MBNL2: variants seen among roughly 807,000 people sequenced by gnomAD.
MBNL2 encodes muscleblind like splicing regulator 2, also known as muscleblind-like protein 2.
MBNL2 carries 17 observed loss-of-function variants against 41.9 expected under a neutral mutation model. The observed-to-expected ratio is 0.41, with a 90% CI of 0.28 to 0.61. The LOEUF (loss-of-function observed/expected upper bound fraction) is 0.61, where lower values mean the gene tolerates loss of function less well. Ranked by LOEUF, MBNL2 falls within the 20% of genes least tolerant of loss-of-function variation. The pLI is 0.35. For synonymous variants in MBNL2, 195 were observed against 182.9 expected (o/e 1.07, Z -0.53); for missense variants, 336 against 505.6 (o/e 0.66, Z 3.22).
At chr13:97,333,715 C>G (rs2060614180) in intron 2 of MBNL2, among the ~76,000 whole-genome samples, 1 of 152,126 alleles carries the variant, frequency 6.6e-6, no homozygotes, top group African/African-American at 2.4e-5. Flanking sequence ...ACTCTCTACT[C>G]CACAAATTTG....
chr13:97,272,779 G>A (rs557216166), intron 1 of MBNL2, among the ~76,000 whole-genome samples: 1 of 152,094 alleles, frequency 6.6e-6, no homozygotes, highest in Non-Finnish European at 1.5e-5. Context: ...CAATGCATAC[G>A]TATTTCAAAA....
At chr13:97,235,878 GAA>G (rs150566645) in intron 1 of MBNL2, among the ~76,000 whole-genome samples, 168 of 141,170 alleles carry the variant, frequency 1.2e-3, no homozygotes, top group African/African-American at 4.2e-3. Context: ...GTTACAAACA[GAA>G]AAAAAAAAAA....
chr13:97,332,208 T>C lies in MBNL2; in HGVS notation c.175-2068T>C, dbSNP rs180796115. Among the ~76,000 whole-genome samples, 251 of 152,288 alleles carry C rather than the reference T, an allele frequency of 1.6e-3. 3 individuals carry two copies. In the South Asian group the frequency reaches 0.02, roughly 12 times the overall value. On this transcript the variant is annotated intron_variant, in intron 2 of 8. Coordinates refer to ENST00000679496, the MANE Select transcript of MBNL2 (RefSeq NM_001382683.1). ...AGCAGTGTTTGTGGCTAAAGAGAGTTTGGAATGAGGTTAGAGAAACCTGGG... is the reference window on the plus strand; with the variant it reads ...AGCAGTGTTTGTGGCTAAAGAGAGTCTGGAATGAGGTTAGAGAAACCTGGG...
At chr13:97,205,275 C>T in the MBNL2 span, among the ~76,000 whole-genome samples, 1 of 148,998 alleles carries the variant, frequency 6.7e-6, no homozygotes, top group Non-Finnish European at 1.5e-5. Flanking sequence ...CCTGTAATCC[C>T]AGCTACTCAG....
the MBNL2 span, among the ~76,000 whole-genome samples, chr13:97,212,677 GATA>G: frequency 6.6e-6 from 1 of 152,158 alleles, no homozygotes; most frequent in Admixed American, 6.5e-5. Flanking sequence ...GTAAACCTGA[GATA>G]ATAATAGTGT....
the MBNL2 span, among the ~76,000 whole-genome samples, chr13:97,189,696 T>C: frequency 2.0e-5 from 3 of 152,364 alleles, no homozygotes; most frequent in African/African-American, 7.2e-5. Flanking sequence ...TGTCTATATA[T>C]ACATACATGT....
intron 8 of MBNL2, among the ~76,000 whole-genome samples, chr13:97,387,239 C>T (rs1594301888): frequency 6.6e-6 from 1 of 151,998 alleles, no homozygotes; most frequent in Non-Finnish European, 1.5e-5. Flanking sequence ...TCTTTCCTAC[C>T]GTCATAGTTT....
chr13:97,151,658 C>T, the MBNL2 span, among the ~76,000 whole-genome samples: 845 of 152,248 alleles, frequency 5.6e-3, 5 homozygotes, highest in African/African-American at 0.02. Flanking sequence ...AAACTGGTTT[C>T]AAGTTTCAGG....
chr13:97,339,867 GTGTGGGC>G lies in MBNL2; in HGVS notation c.340-3148_340-3142del, dbSNP rs1566427184. Among the ~76,000 whole-genome samples the G allele has an allele frequency of 4.8e-4, 56 of 116,466 alleles. 1 individual carries two copies. The highest frequency in any genetic ancestry group is 1.3e-3 in the African/African-American group (30 of 23,770). The allele number at this position is 116,466 out of a possible 152,430, so 76.4% of individuals were successfully genotyped here. On this transcript the variant is annotated intron_variant, in intron 3 of 8. Transcript: ENST00000679496. ...AGAAACATACGGGCAACTGATTTGT[GTGTGGGC>G]GGGGGGGGCGTTGTTTTTCCTCTTT... is the stretch of plus-strand genomic sequence containing the variant.
the MBNL2 span, among the ~76,000 whole-genome samples, chr13:97,142,136 A>T: frequency 6.6e-6 from 1 of 151,980 alleles, no homozygotes; most frequent in East Asian, 1.9e-4. Flanking sequence ...TTCTCTATCA[A>T]TTAAATTAAA....
the MBNL2 span, among the ~76,000 whole-genome samples, chr13:97,201,033 T>G: frequency 6.6e-6 from 1 of 152,166 alleles, no homozygotes; most frequent in Non-Finnish European, 1.5e-5. Context: ...TGAGATTATT[T>G]CCTCTATCTC....
chr13:97,349,330 T>C (rs1228627436), intron 5 of MBNL2, among the ~76,000 whole-genome samples: 2 of 152,346 alleles, frequency 1.3e-5, no homozygotes, highest in South Asian at 2.1e-4. Context: ...AAAGGAATTC[T>C]TTCAGAGCAC....
intron 5 of MBNL2, among the ~76,000 whole-genome samples, chr13:97,347,789 T>C (rs192011652): frequency 1.3e-5 from 2 of 152,246 alleles, no homozygotes; most frequent in East Asian, 3.9e-4. Context: ...AGCCTAACTG[T>C]CCCTTAGAGA....
the MBNL2 span, among the ~76,000 whole-genome samples, chr13:97,178,444 A>G: frequency 1.3e-5 from 2 of 152,368 alleles, no homozygotes; most frequent in Admixed American, 6.5e-5. Flanking sequence ...ATTACATAGT[A>G]AAGACTGAAT....
chr13:97,302,007 C>G (rs1014726806), intron 2 of MBNL2, among the ~76,000 whole-genome samples: 6 of 152,164 alleles, frequency 3.9e-5, no homozygotes, highest in Admixed American at 1.3e-4. Flanking sequence ...CCAGTGTTTT[C>G]TCAGAGATCA....
At chr13:97,158,060 C>G in the MBNL2 span, among the ~76,000 whole-genome samples, 1 of 151,174 alleles carries the variant, frequency 6.6e-6, no homozygotes, top group Non-Finnish European at 1.5e-5. Flanking sequence ...TTGATTATTG[C>G]CACAATTTCA....
chr13:97,319,115 A>G (rs1400261792), intron 2 of MBNL2, among the ~76,000 whole-genome samples: 1 of 152,156 alleles, frequency 6.6e-6, no homozygotes, highest in East Asian at 1.9e-4. Flanking sequence ...CAAAAGGCAG[A>G]GCTTCACTCT....
At chr13:97,212,411 C>G in the MBNL2 span, among the ~76,000 whole-genome samples, 19 of 152,272 alleles carry the variant, frequency 1.2e-4, no homozygotes, top group East Asian at 7.7e-4. Context: ...GAAGCCACAG[C>G]TACCCCCTCC....
the MBNL2 span, among the ~76,000 whole-genome samples, chr13:97,203,298 G>A: frequency 1.3e-5 from 2 of 152,172 alleles, no homozygotes; most frequent in African/African-American, 4.8e-5. Flanking sequence ...AAGTCCTGGT[G>A]TTGTTAATTC....
Sources: allele counts gnomAD v4.1 joint callset (sites outside exome capture counted in the v4.1 genomes callset), GRCh38; gene constraint gnomAD v4.1.1; transcripts MANE v1.5; gene names NCBI Gene and HGNC (gene_info 2026-07-23, HGNC 2026-07-21).